SLC35D4: variants seen among roughly 807,000 people sequenced by gnomAD.
SLC35D4 encodes the protein solute carrier family 35 member D4, also known as UDP-N-acetylglucosamine transporter SLC35D4.
the SLC35D4 span, among the ~76,000 whole-genome samples, chr18:23,349,359 A>T: frequency 6.6e-6 from 1 of 152,290 alleles, no homozygotes; most frequent in Non-Finnish European, 1.5e-5. Flanking sequence ...TTGGCCAGGC[A>T]CGGGGGCTCA....
chr18:23,248,541 A>ATTTTTTTTTT, the SLC35D4 span, among the ~76,000 whole-genome samples: 3 of 99,852 alleles, frequency 3.0e-5, no homozygotes, highest in Non-Finnish European at 4.1e-5. Flanking sequence ...TTTTTTTTAA[A>ATTTTTTTTTT]AAAAGGCTGG....
the SLC35D4 span, among the ~76,000 whole-genome samples, chr18:23,404,436 A>T: frequency 4.6e-5 from 7 of 151,746 alleles, no homozygotes; most frequent in Middle Eastern, 0.024. Flanking sequence ...GCACTTTGGG[A>T]GGCCGAGGCA....
At chr18:23,421,083 A>C in the SLC35D4 span, among the ~76,000 whole-genome samples, 1 of 151,822 alleles carries the variant, frequency 6.6e-6, no homozygotes, top group Non-Finnish European at 1.5e-5. Context: ...GTCTCTACTA[A>C]AAATACAAAA....
chr18:23,308,876 C>CTCTCTCTCTCTG, the SLC35D4 span, among the ~76,000 whole-genome samples: 464 of 140,058 alleles, frequency 3.3e-3, 4 homozygotes, highest in South Asian at 0.015. Flanking sequence ...CTCTCTCTCT[C>CTCTCTCTCTCTG]TGTGTGTGTG....
At chr18:23,408,066 C>T in the SLC35D4 span, among the ~76,000 whole-genome samples, 8 of 152,052 alleles carry the variant, frequency 5.3e-5, no homozygotes, top group African/African-American at 1.9e-4. Context: ...CCCACAGAAT[C>T]AGATCTCTGC....
the SLC35D4 span, among the ~76,000 whole-genome samples, chr18:23,336,597 A>C: frequency 6.6e-6 from 1 of 152,122 alleles, no homozygotes; most frequent in Admixed American, 6.5e-5. Flanking sequence ...CTTCCAGAAC[A>C]TATGAAGGTG....
chr18:23,308,858 C>T, the SLC35D4 span, among the ~76,000 whole-genome samples: 1 of 138,854 alleles, frequency 7.2e-6, no homozygotes, highest in Non-Finnish European at 1.6e-5. Flanking sequence ...TTCTCTCTCT[C>T]TCTCTCTCTC....
At chr18:23,258,925 T>C in the SLC35D4 span, 1 of 151,316 alleles carries the variant, frequency 6.6e-6, no homozygotes, top group Admixed American at 6.6e-5. Context: ...TAGATTGCAC[T>C]GAGTTTAGTC....
At chr18:23,423,088 G>T in the SLC35D4 span, among the ~76,000 whole-genome samples, 1 of 152,068 alleles carries the variant, frequency 6.6e-6, no homozygotes, top group Non-Finnish European at 1.5e-5. Flanking sequence ...CCCTCTCCAC[G>T]GTCAGCTCCT....
At chr18:23,271,172 A>C in the SLC35D4 span, among the ~76,000 whole-genome samples, 17 of 152,218 alleles carry the variant, frequency 1.1e-4, no homozygotes, top group African/African-American at 4.1e-4. Flanking sequence ...TGGTTTTATA[A>C]GGGGAAGTTC....
At chr18:23,307,128 C>T in the SLC35D4 span, among the ~76,000 whole-genome samples, 1 of 152,248 alleles carries the variant, frequency 6.6e-6, no homozygotes, top group Non-Finnish European at 1.5e-5. Flanking sequence ...GCACTGTTCT[C>T]ACCCTTCAAC....
At chr18:23,381,826 A>G in the SLC35D4 span, among the ~76,000 whole-genome samples, 1 of 152,196 alleles carries the variant, frequency 6.6e-6, no homozygotes, top group Admixed American at 6.5e-5. Context: ...CGTCACCCTC[A>G]TCTACAGGCT....
At chr18:23,391,373 C>G in the SLC35D4 span, among the ~76,000 whole-genome samples, 2 of 152,222 alleles carry the variant, frequency 1.3e-5, no homozygotes, top group Non-Finnish European at 2.9e-5. Context: ...TGTCATCATT[C>G]TGTCTCCATG....
the SLC35D4 span, among the ~76,000 whole-genome samples, chr18:23,309,515 G>GA: frequency 6.9e-6 from 1 of 144,444 alleles, no homozygotes; most frequent in Non-Finnish European, 1.5e-5. Flanking sequence ...GTCAATACAA[G>GA]TTTTTTTTTT....
At chr18:23,430,545 C>A in the SLC35D4 span, 2 of 1,146,852 alleles carry the variant, frequency 1.7e-6, no homozygotes, top group Non-Finnish European at 2.5e-6. Context: ...CAAAAAAAAT[C>A]TATGCAGTTA....
At chr18:23,300,452 G>A in the SLC35D4 span, among the ~76,000 whole-genome samples, 2 of 152,198 alleles carry the variant, frequency 1.3e-5, no homozygotes, top group Non-Finnish European at 2.9e-5. Flanking sequence ...AACCAGGGTA[G>A]CAGCTGGCCC....
chr18:23,329,719 G>A, the SLC35D4 span, among the ~76,000 whole-genome samples: 1 of 152,092 alleles, frequency 6.6e-6, no homozygotes, highest in African/African-American at 2.4e-5. Flanking sequence ...TATACCCAAA[G>A]GATTATAAAT....
the SLC35D4 span, among the ~76,000 whole-genome samples, chr18:23,405,103 G>A: frequency 6.6e-6 from 1 of 151,470 alleles, no homozygotes; most frequent in Non-Finnish European, 1.5e-5. Context: ...CAGAAAAGTG[G>A]GCCCTCACCA....
chr18:23,350,807 G>T, the SLC35D4 span, among the ~76,000 whole-genome samples: 1 of 152,094 alleles, frequency 6.6e-6, no homozygotes, highest in Non-Finnish European at 1.5e-5. Flanking sequence ...AGCCTCGCCT[G>T]CTCTGGTTGA....
Sources: allele counts gnomAD v4.1 joint callset (sites outside exome capture counted in the v4.1 genomes callset), GRCh38; gene constraint gnomAD v4.1.1; transcripts MANE v1.5; gene names NCBI Gene and HGNC (gene_info 2026-07-23, HGNC 2026-07-21).